RAE1: variants seen among roughly 807,000 people sequenced by gnomAD.
The protein encoded by RAE1 is mRNA export factor RAE1.
A neutral mutation model predicts 52.7 loss-of-function variants in RAE1; 13 were observed. The observed-to-expected ratio is 0.25, with a 90% CI of 0.16 to 0.39. RAE1 has a LOEUF of 0.39. RAE1 is among the 10% of genes least tolerant of loss of function. RAE1 has a pLI of 1.00. For missense variants in RAE1, 262 were observed against 459.8 expected (o/e 0.57, Z 3.93); for synonymous variants, 164 against 153.1 (o/e 1.07, Z -0.52).
At chr20:57,352,721 T>C (rs1382820092) in intron 1 of RAE1, among the ~76,000 whole-genome samples, 1 of 152,218 alleles carries the variant, frequency 6.6e-6, no homozygotes, top group Admixed American at 6.5e-5. Context: ...TGTGTGTGGC[T>C]TCATTTAGTT....
intron 11 of RAE1, chr20:57,375,086 C>T (rs765700256): frequency 1.2e-4 from 82 of 687,630 alleles, no homozygotes; most frequent in Non-Finnish European, 1.9e-5. Flanking sequence ...CCGGGGGCTG[C>T]ACTTTATGAA....
intron 10 of RAE1, 72 bp from the exon 11 acceptor site, chr20:57,374,535 G>T: frequency 7.4e-7 from 1 of 1,357,974 alleles, no homozygotes. Flanking sequence ...ACTCAAGCAG[G>T]AAGTGTGCGT....
At chr20:57,353,538 G>A (rs570084629) in intron 1 of RAE1, among the ~76,000 whole-genome samples, 1 of 152,362 alleles carries the variant, frequency 6.6e-6, no homozygotes, top group East Asian at 1.9e-4. Context: ...GGTTGTTCTA[G>A]GTAGTTTCAT....
chr20:57,369,401 G>A (rs2067002676), intron 8 of RAE1, among the ~76,000 whole-genome samples: 1 of 152,170 alleles, frequency 6.6e-6, no homozygotes, highest in African/African-American at 2.4e-5. Context: ...GACCTTTAAC[G>A]GCATCAGACT....
intron 5 of RAE1, among the ~76,000 whole-genome samples, chr20:57,366,224 G>C (rs1310019872): frequency 6.6e-6 from 1 of 151,924 alleles, no homozygotes; most frequent in Non-Finnish European, 1.5e-5. Flanking sequence ...TTGCTAGAAT[G>C]GAAGGTAGAT....
At chr20:57,373,919 G>A (rs552930292) in intron 10 of RAE1, among the ~76,000 whole-genome samples, 181 bp downstream of exon 10, 3 of 152,202 alleles carry the variant, frequency 2.0e-5, no homozygotes, top group East Asian at 1.9e-4. Flanking sequence ...TTTTTGAGAC[G>A]GAGTCGCTCT....
intron 2 of RAE1, among the ~76,000 whole-genome samples, chr20:57,354,364 C>G (rs551323736): frequency 2.0e-5 from 3 of 152,352 alleles, no homozygotes; most frequent in South Asian, 2.1e-4. Context: ...GGTGCAGATT[C>G]CCAGGGCCTG....
At chr20:57,371,414 A>G (rs2067033924) in intron 8 of RAE1, 2 of 152,244 alleles carry the variant, frequency 1.3e-5, no homozygotes, top group South Asian at 2.1e-4. Context: ...TTGAATAGAC[A>G]TGTCTCCAAA....
intron 11 of RAE1, among the ~76,000 whole-genome samples, chr20:57,375,401 C>G (rs985502465): frequency 6.6e-6 from 1 of 152,118 alleles, no homozygotes; most frequent in African/African-American, 2.4e-5. Flanking sequence ...CAACAGCCTT[C>G]TAGACTTTTC....
intron 8 of RAE1, among the ~76,000 whole-genome samples, chr20:57,370,684 T>C (rs552680093): frequency 3.5e-4 from 53 of 152,388 alleles, no homozygotes; most frequent in African/African-American, 1.2e-3. Context: ...CCCTTGCTAC[T>C]GCCACCAGTA....
intron 1 of RAE1, chr20:57,351,901 A>G (rs748517390): frequency 1.5e-5 from 15 of 985,410 alleles, no homozygotes; most frequent in Non-Finnish European, 1.8e-5. Flanking sequence ...GTGCCACCGT[A>G]CAGGCAGTAC....
In RAE1 at chr20:57,354,929, T is replaced by G. The variant is rs949998539; in HGVS notation, c.195+113T>G. 20 of 735,410 alleles carry G rather than the reference T, an allele frequency of 2.7e-5. No individual in the cohort carries two copies. The African/African-American group carries it at 3.7e-4, about 14-fold the overall frequency. The allele number at this position is 735,410 out of a possible 1,614,324, so 45.6% of individuals were successfully genotyped here. On this transcript the variant is annotated intron_variant, in intron 3 of 11. Transcript: ENST00000395841. ...GAATCAGTTGGACTTATTTATGGCC[T>G]TTTTTGAGAAATCAATTTAGGGGGT...
At chr20:57,356,092 A>G (rs959770478) in intron 3 of RAE1, among the ~76,000 whole-genome samples, 1 of 152,116 alleles carries the variant, frequency 6.6e-6, no homozygotes, top group Admixed American at 6.6e-5. Context: ...TTTTTAACGG[A>G]GGGGAGATTA....
rs555699247 is a variant in RAE1 at position 57,352,582 on chromosome 20, A to G, written c.-8+1160A>G. 3.3e-5 allele frequency among the ~76,000 whole-genome samples: 5 copies of G among 152,322 alleles called. No homozygotes were observed. The South Asian group carries it at 1.0e-3, about 32-fold the overall frequency. On this transcript the variant is annotated intron_variant, in intron 1 of 11. Transcript: ENST00000395841. ...ACACTGACTAACACGAACGATTCTC[A>G]CCTACCATGTTCTTTTTCCTAAGTT...
intron 3 of RAE1, among the ~76,000 whole-genome samples, chr20:57,355,430 C>T (rs2066770653): frequency 1.3e-5 from 2 of 152,052 alleles, no homozygotes; most frequent in Non-Finnish European, 2.9e-5. Flanking sequence ...AATAATAGTG[C>T]CAGCAAGGAT....
At chr20:57,357,316 C>T (rs1394673256) in intron 4 of RAE1, 3 of 152,106 alleles carry the variant, frequency 2.0e-5, no homozygotes, top group Non-Finnish European at 2.9e-5. Context: ...TTTTTTGTCC[C>T]TATAGTTTTG....
chr20:57,359,672 A>G (rs1179832600), intron 4 of RAE1: 1 of 152,286 alleles, frequency 6.6e-6, no homozygotes, highest in South Asian at 2.1e-4. Flanking sequence ...ACCGCTACTC[A>G]TGAATCTTCC....
intron 4 of RAE1, chr20:57,357,497 G>A (rs1435032490): frequency 6.6e-6 from 1 of 152,208 alleles, no homozygotes; most frequent in Non-Finnish European, 1.5e-5. Context: ...GCTAATGTAA[G>A]TGGTAGGAGT....
intron 4 of RAE1, among the ~76,000 whole-genome samples, chr20:57,364,357 G>C (rs2066927054): frequency 6.6e-6 from 1 of 152,136 alleles, no homozygotes; most frequent in African/African-American, 2.4e-5. Flanking sequence ...TTATGAGATT[G>C]AGAGGCCAGT....
Sources: allele counts gnomAD v4.1 joint callset (sites outside exome capture counted in the v4.1 genomes callset), GRCh38; gene constraint gnomAD v4.1.1; transcripts MANE v1.5; gene names NCBI Gene and HGNC (gene_info 2026-07-23, HGNC 2026-07-21).